Variants in ANKRD6 observed in about 807,000 individuals in gnomAD.
The protein encoded by ANKRD6 is ankyrin repeat domain-containing protein 6.
In ANKRD6, 56 loss-of-function variants were observed where a neutral mutation model predicts 82.3. The ratio of observed to expected loss-of-function variants is 0.68; its 90% CI spans 0.55 to 0.85. The LOEUF is 0.85. Ranked by LOEUF, ANKRD6 falls within the 40% of genes least tolerant of loss-of-function variation. The pLI, the probability that ANKRD6 is intolerant of heterozygous loss-of-function variation, is 0.00. For missense variants in ANKRD6, 852 were observed against 907.6 expected, an observed-to-expected ratio of 0.94 and a Z score of 0.79; for synonymous variants, 347 against 352.1, an observed-to-expected ratio of 0.99 and a Z score of 0.16.
chr6:89,533,512 G>A (rs1183392628), intron 1 of ANKRD6, among the ~76,000 whole-genome samples: 1 of 152,080 alleles, frequency 6.6e-6, no homozygotes, highest in Non-Finnish European at 1.5e-5. Context: ...ATTTGACCTG[G>A]TACCCTCTTC....
Position 89,608,323 on chromosome 6 carries a change from G to A in ANKRD6, c.417+2218G>A, listed in dbSNP as rs1799298223. ...GGGTTCTAGGTGGCAGTAGCCTGGG[G>A]ACAATGGGCAGCAGTAAGTACCCTC... On this transcript the variant is annotated intron_variant, in intron 5 of 15. Transcript: ENST00000339746. Among the ~76,000 whole-genome samples, 4 of 133,532 alleles carry A rather than the reference G, an allele frequency of 3.0e-5. No homozygotes were observed. In the South Asian group the frequency reaches 1.1e-3, roughly 36 times the overall value. The allele number at this position is 133,532 out of a possible 152,430, so 87.6% of individuals were successfully genotyped here. A position where few individuals can be genotyped will look rare whatever the true frequency, so the allele number is the denominator to read the frequency against.
intron 2 of ANKRD6, among the ~76,000 whole-genome samples, chr6:89,583,592 G>A (rs1281894328): frequency 6.6e-6 from 1 of 152,152 alleles, no homozygotes; most frequent in Non-Finnish European, 1.5e-5. Context: ...GGTATGGCAG[G>A]TCAGACACGC....
intron 1 of ANKRD6, among the ~76,000 whole-genome samples, chr6:89,493,669 T>C (rs945269220): frequency 6.6e-6 from 1 of 152,046 alleles, no homozygotes; most frequent in African/African-American, 2.4e-5. Flanking sequence ...CACCTCTGCC[T>C]CCCAAAAAAG....
At position 89,630,497 on chromosome 6, in the gene ANKRD6, T is replaced by C; in HGVS notation, c.1677T>C (p.Val559=). Residue 559 remains valine, a synonymous_variant, in exon 16 of 16, where the codon GTT becomes GTC. Transcript: ENST00000339746. The part of the protein sequence containing the change: ...AAASDSSPPV[V]RPKEKALNST... ...CTTCCGACAGCTCCCCTCCAGTGGT[T>C]AGGCCCAAAGAGAAGGCCCTCAACT... 1.2e-6 allele frequency: 2 copies of C among 1,614,054 alleles called. No homozygotes were observed. Among genetic ancestry groups the C allele is most frequent in the Non-Finnish European group, 1.7e-6 (2 of 1,179,894 alleles).
Position 89,613,697 on chromosome 6 carries a change from A to C in ANKRD6, c.517-95A>C, listed in dbSNP as rs902527416. On this transcript the variant is annotated intron_variant, in intron 6 of 15. Coordinates refer to ENST00000339746, the MANE Select transcript of ANKRD6 (RefSeq NM_001242809.2). ...TATGATTCCCTAAAGAGTACATGATAGTCTGCTAGCTTTTAAATAACATTT... is the reference window on the plus strand; with the variant it reads ...TATGATTCCCTAAAGAGTACATGATCGTCTGCTAGCTTTTAAATAACATTT... The C allele has an allele frequency of 8.3e-6, 9 of 1,089,182 alleles. No homozygotes were observed. The African/African-American group carries it at 1.4e-4, about 17-fold the overall frequency. 67.5% of individuals were successfully genotyped at this position (1,089,182 alleles called of 1,614,324 possible).
intron 9 of ANKRD6, chr6:89,621,545 G>A (rs137994208): frequency 4.1e-4 from 86 of 208,806 alleles, no homozygotes; most frequent in Middle Eastern, 4.1e-3. Context: ...TGCCTCACAC[G>A]GGGCTGCTGC....
chr6:89,613,630 T>C (rs1029376295), intron 6 of ANKRD6, among the ~76,000 whole-genome samples, 162 bp from the exon 7 acceptor site: 7 of 152,218 alleles, frequency 4.6e-5, no homozygotes. Context: ...CAGCAAAGAA[T>C]GGCGAGCCTT....
intron 3 of ANKRD6, among the ~76,000 whole-genome samples, chr6:89,600,375 C>T (rs1043857630): frequency 7.9e-5 from 12 of 152,144 alleles, no homozygotes; most frequent in African/African-American, 2.4e-4. Flanking sequence ...GAAGGCCCTT[C>T]GTGAAATAAT....
chr6:89,460,167 A>T (rs1038413354), intron 1 of ANKRD6, among the ~76,000 whole-genome samples: 1 of 150,548 alleles, frequency 6.6e-6, no homozygotes, highest in African/African-American at 2.4e-5. Flanking sequence ...GACCTGAAAG[A>T]TCATGATCAC....
intron 15 of ANKRD6, chr6:89,629,592 T>G (rs373015426): frequency 1.6e-5 from 5 of 318,082 alleles, no homozygotes; most frequent in African/African-American, 1.1e-4. Context: ...CCCTTGCCTT[T>G]TGTGCCTTTT....
chr6:89,533,407 C>T (rs78645999), intron 1 of ANKRD6, among the ~76,000 whole-genome samples: 231 of 152,226 alleles, frequency 1.5e-3, no homozygotes, highest in African/African-American at 5.4e-3. Context: ...CTTGCAGCAA[C>T]CTAATGAGAT....
intron 12 of ANKRD6, 40 bp downstream of exon 12, chr6:89,624,097 T>C (rs1804687540): frequency 3.2e-6 from 5 of 1,539,804 alleles, no homozygotes; most frequent in Non-Finnish European, 4.4e-6. Flanking sequence ...AACATAGGCC[T>C]TCAGCAAGGG....
rs373397377 is a variant in ANKRD6 at position 89,563,124 on chromosome 6, A to G, written c.-143-3710A>G. ...AGGATATTGGCAAATTCTCCAAAGT[A>G]TAGGAGAATTTGTTGTAAAGCCCCA... On this transcript the variant is annotated intron_variant, in intron 1 of 15. Coordinates refer to ENST00000339746, the MANE Select transcript of ANKRD6 (RefSeq NM_001242809.2). Among the ~76,000 whole-genome samples the G allele has an allele frequency of 3.9e-5, 6 of 152,220 alleles. No individual in the cohort carries two copies. The South Asian group carries it at 6.2e-4, about 16-fold the overall frequency.
chr6:89,465,086 C>T (rs1238902314), intron 1 of ANKRD6, among the ~76,000 whole-genome samples: 3 of 151,712 alleles, frequency 2.0e-5, no homozygotes. Context: ...ATTTGTAGTG[C>T]ATGTAATTAT....
intron 10 of ANKRD6, 31 bp downstream of exon 10, chr6:89,622,057 T>C: frequency 6.3e-7 from 1 of 1,598,782 alleles, no homozygotes; most frequent in Non-Finnish European, 8.6e-7. Context: ...CGTCCCCACA[T>C]CCACCCATGC....
At chr6:89,500,811 G>C (rs1779176819) in intron 1 of ANKRD6, among the ~76,000 whole-genome samples, 1 of 152,156 alleles carries the variant, frequency 6.6e-6, no homozygotes, top group Non-Finnish European at 1.5e-5. Flanking sequence ...ATCCAGGACT[G>C]TGGGCCGTAG....
chr6:89,488,738 T>G (rs1424370601), intron 1 of ANKRD6, among the ~76,000 whole-genome samples: 1 of 152,236 alleles, frequency 6.6e-6, no homozygotes, highest in Non-Finnish European at 1.5e-5. Flanking sequence ...TGACTCATTT[T>G]GATCAAGAAC....
At chr6:89,578,286 CTTTTTTTTTTTTTTT>C (rs71024383) in intron 2 of ANKRD6, among the ~76,000 whole-genome samples, 5 of 119,098 alleles carry the variant, frequency 4.2e-5, no homozygotes, top group African/African-American at 1.3e-4. Flanking sequence ...CTCCCGCCTC[CTTTTTTTTTTTTTTT>C]TTTTTTTTTT....
At chr6:89,486,004 A>G (rs753107968) in intron 1 of ANKRD6, among the ~76,000 whole-genome samples, 15 of 152,376 alleles carry the variant, frequency 9.8e-5, no homozygotes, top group Non-Finnish European at 1.9e-4. Flanking sequence ...AAATTCAACT[A>G]AGAAAAATAT....
Sources: gnomAD v4.1 joint callset for allele counts (sites outside exome capture counted in the v4.1 genomes callset) on GRCh38, gnomAD v4.1.1 for gene constraint, MANE v1.5 for transcripts, NCBI Gene and HGNC (gene_info 2026-07-23, HGNC 2026-07-21) for gene names.